Variants in KCNIP4 observed in about 807,000 individuals in gnomAD.
The protein encoded by KCNIP4 is Kv channel-interacting protein 4.
A neutral mutation model predicts 34.0 loss-of-function variants in KCNIP4; 12 were observed. That is an observed-to-expected ratio of 0.35 (90% confidence interval 0.23 to 0.57). The LOEUF (loss-of-function observed/expected upper bound fraction) is 0.57, where lower values mean the gene tolerates loss of function less well. KCNIP4 is among the 20% of genes least tolerant of loss of function. The probability of loss-of-function intolerance (pLI) is 0.83; values close to 1 mark genes in which losing one functional copy is unlikely to be tolerated. For missense variants in KCNIP4, 238 were observed against 311.7 expected (o/e 0.76, Z 1.78); for synonymous variants, 124 against 102.2 (o/e 1.21, Z -1.29).
intron 3 of KCNIP4, among the ~76,000 whole-genome samples, chr4:20,818,920 C>CTTTTTTTTTTTTTTTT (rs11382765): frequency 9.5e-6 from 1 of 104,954 alleles, no homozygotes; most frequent in Non-Finnish European, 1.9e-5. Flanking sequence ...TATATTATCT[C>CTTTTTTTTTTTTTTTT]TTTTTTTTTT....
chr4:21,664,168 T>C (rs1426824625), intron 1 of KCNIP4, among the ~76,000 whole-genome samples: 2 of 152,030 alleles, frequency 1.3e-5, no homozygotes, highest in African/African-American at 4.8e-5. Flanking sequence ...AGGCTGGTCT[T>C]GAACTCCTTG....
chr4:21,335,813 A>G (rs1202447596), intron 1 of KCNIP4, among the ~76,000 whole-genome samples: 1 of 152,128 alleles, frequency 6.6e-6, no homozygotes, highest in Non-Finnish European at 1.5e-5. Flanking sequence ...TTCAAACCTT[A>G]TTATGAAATG....
At chr4:21,124,420 A>G (rs556519383) in intron 1 of KCNIP4, among the ~76,000 whole-genome samples, 1 of 151,990 alleles carries the variant, frequency 6.6e-6, no homozygotes, top group African/African-American at 2.4e-5. Context: ...ATCTTGAGAA[A>G]TTTTTTCATC....
At chr4:21,788,745 A>G (rs1720074180) in intron 1 of KCNIP4, among the ~76,000 whole-genome samples, 1 of 152,082 alleles carries the variant, frequency 6.6e-6, no homozygotes, top group Non-Finnish European at 1.5e-5. Flanking sequence ...ACAACAACCC[A>G]TTAAGTAGAT....
chr4:20,916,606 C>T (rs1305573682), intron 1 of KCNIP4, among the ~76,000 whole-genome samples: 4 of 152,048 alleles, frequency 2.6e-5, no homozygotes. Flanking sequence ...AATAATAATA[C>T]TTATAATCAC....
chr4:21,884,610 A>G (rs1315699957), intron 1 of KCNIP4, among the ~76,000 whole-genome samples: 1 of 152,118 alleles, frequency 6.6e-6, no homozygotes, highest in Non-Finnish European at 1.5e-5. Context: ...AGAAAGAAAA[A>G]GAGAAAAAAA....
chr4:21,117,303 G>C (rs1301679775), intron 1 of KCNIP4, among the ~76,000 whole-genome samples: 7 of 24,964 alleles, frequency 2.8e-4, no homozygotes, highest in East Asian at 1.6e-3. Context: ...GGGTTGCCGG[G>C]GGGGGGGGGG....
intron 1 of KCNIP4, among the ~76,000 whole-genome samples, chr4:21,762,612 T>A (rs1327460009): frequency 1.3e-5 from 2 of 152,118 alleles, no homozygotes; most frequent in African/African-American, 2.4e-5. Context: ...GTACTGTTCC[T>A]CATCTGCAAA....
chr4:21,429,967 T>G (rs891801197), intron 1 of KCNIP4, among the ~76,000 whole-genome samples: 3 of 152,188 alleles, frequency 2.0e-5, no homozygotes, highest in African/African-American at 7.2e-5. Context: ...TATCAGTCAC[T>G]GTGAAGATAA....
At chr4:20,872,693 G>C (rs1196985543) in intron 2 of KCNIP4, among the ~76,000 whole-genome samples, 1 of 152,000 alleles carries the variant, frequency 6.6e-6, no homozygotes, top group Non-Finnish European at 1.5e-5. Context: ...ATAAAACAAA[G>C]AAGGCTCTCA....
At chr4:21,430,884 T>C (rs1461857231) in intron 1 of KCNIP4, among the ~76,000 whole-genome samples, 1 of 149,732 alleles carries the variant, frequency 6.7e-6, no homozygotes, top group East Asian at 2.0e-4. Flanking sequence ...GAGCCAAAGA[T>C]AAAAATAGTT....
At chr4:20,902,265 C>G (rs1727230606) in intron 1 of KCNIP4, among the ~76,000 whole-genome samples, 1 of 152,120 alleles carries the variant, frequency 6.6e-6, no homozygotes, top group Non-Finnish European at 1.5e-5. Context: ...GATAAATTCT[C>G]TTTTCCAGGA....
chr4:21,326,332 C>G (rs189126957), intron 1 of KCNIP4, among the ~76,000 whole-genome samples: 16 of 151,310 alleles, frequency 1.1e-4, no homozygotes, highest in Admixed American at 3.3e-4. Context: ...ATTTGTTATA[C>G]CCCCTTGCTG....
In KCNIP4 at chr4:21,258,111, G is replaced by A. The variant is rs192709171; in HGVS notation, c.62-375402C>T. Among the ~76,000 whole-genome samples the A allele has an allele frequency of 2.0e-3, 301 of 152,250 alleles. 2 individuals carry two copies. Among genetic ancestry groups the A allele is most frequent in the African/African-American group, 6.8e-3 (282 of 41,564 alleles). On this transcript the variant is annotated intron_variant, in intron 1 of 8. Transcript: ENST00000382152. The stretch of plus-strand genomic sequence containing the variant: ...AGCCTTTCCAAACACTTTCTCATCT[G>A]TCACTTAATTTTAGCTTCTGAGAGC...
At chr4:21,701,790 A>G (rs141599969) in intron 1 of KCNIP4, among the ~76,000 whole-genome samples, 1 of 151,710 alleles carries the variant, frequency 6.6e-6, no homozygotes, top group African/African-American at 2.4e-5. Context: ...TGCAACCTCT[A>G]CCTCCTGGGT....
intron 1 of KCNIP4, among the ~76,000 whole-genome samples, chr4:21,279,933 A>G (rs1459741848): frequency 1.3e-5 from 2 of 152,202 alleles, no homozygotes; most frequent in African/African-American, 2.4e-5. Flanking sequence ...TCATTTCGCC[A>G]TCATTCCTAG....
chr4:20,788,102 G>T (rs763920767), intron 3 of KCNIP4, among the ~76,000 whole-genome samples: 5 of 151,990 alleles, frequency 3.3e-5, no homozygotes, highest in Non-Finnish European at 7.4e-5. Context: ...GGTAAACTCT[G>T]CGGGGAAAGG....
chr4:21,430,671 C>T (rs1018045623), intron 1 of KCNIP4, among the ~76,000 whole-genome samples: 1 of 152,006 alleles, frequency 6.6e-6, no homozygotes, highest in African/African-American at 2.4e-5. Flanking sequence ...TTACAATAGC[C>T]TCCGAAGGTT....
At chr4:20,933,273 T>C (rs954520505) in intron 1 of KCNIP4, among the ~76,000 whole-genome samples, 48 of 151,936 alleles carry the variant, frequency 3.2e-4, no homozygotes, top group African/African-American at 1.0e-3. Flanking sequence ...AAAATAAAAA[T>C]ACAGAGTATA....
Sources: allele counts gnomAD v4.1 joint callset (sites outside exome capture counted in the v4.1 genomes callset), GRCh38; gene constraint gnomAD v4.1.1; transcripts MANE v1.5; gene names NCBI Gene and HGNC (gene_info 2026-07-23, HGNC 2026-07-21).